TSBP1: variants seen among roughly 807,000 people sequenced by gnomAD.
The protein encoded by TSBP1 is testis expressed basic protein 1.
Under a neutral mutation model 68.8 loss-of-function variants are expected in TSBP1, and 56 were observed. The ratio of observed to expected loss-of-function variants is 0.81; its 90% CI spans 0.66 to 1.02. TSBP1 has a LOEUF of 1.02. Ranked by LOEUF, TSBP1 falls within the 50% of genes least tolerant of loss-of-function variation. The probability of loss-of-function intolerance (pLI) is 0.00; values close to 1 mark genes in which losing one functional copy is unlikely to be tolerated. For missense variants in TSBP1, 502 were observed against 641.2 expected (o/e 0.78, Z 2.34); for synonymous variants, 171 against 208.7 (o/e 0.82, Z 1.56).
intron 16 of TSBP1, chr6:32,324,683 A>G (rs1171902425): frequency 1.9e-6 from 3 of 1,550,842 alleles, no homozygotes; most frequent in African/African-American, 1.4e-5. Context: ...GATCTGACTG[A>G]AAAACAAGCA....
intron 8 of TSBP1, 152 bp from the exon 9 acceptor site, chr6:32,349,912 G>T: frequency 2.4e-6 from 2 of 843,900 alleles, no homozygotes; most frequent in South Asian, 1.3e-5. Flanking sequence ...GCAATGTGGT[G>T]AGCAGCTGGA....
chr6:32,311,314 C>G (rs1224456687), intron 19 of TSBP1, among the ~76,000 whole-genome samples: 1 of 152,178 alleles, frequency 6.6e-6, no homozygotes, highest in Non-Finnish European at 1.5e-5. Flanking sequence ...TCTTCAGACT[C>G]AAATATTTAA....
intron 22 of TSBP1, among the ~76,000 whole-genome samples, chr6:32,296,965 C>G (rs1049313993): frequency 6.6e-6 from 1 of 152,078 alleles, no homozygotes; most frequent in Non-Finnish European, 1.5e-5. Flanking sequence ...AATCTTCATA[C>G]CCTTATTTTA....
At chr6:32,300,043 G>C in intron 21 of TSBP1, 107 bp from the exon 25 acceptor site, 2 of 888,356 alleles carry the variant, frequency 2.3e-6, no homozygotes, top group East Asian at 2.4e-5. Context: ...GGACTTGGAG[G>C]GAGCACAAAA....
At chr6:32,358,684 G>A (rs1772627629) in intron 6 of TSBP1, among the ~76,000 whole-genome samples, 1 of 149,642 alleles carries the variant, frequency 6.7e-6, no homozygotes, top group South Asian at 2.2e-4. Flanking sequence ...TTGTCCTTGC[G>A]ATAGTTTGCC....
At chr6:32,303,314 GTT>G (rs9279565) in intron 19 of TSBP1, among the ~76,000 whole-genome samples, 1 of 146,622 alleles carries the variant, frequency 6.8e-6, no homozygotes. Context: ...TCTAGTACGT[GTT>G]TTTTTTTTTC....
chr6:32,349,506 C>T, intron 9 of TSBP1: 1 of 469,994 alleles, frequency 2.1e-6, no homozygotes, highest in South Asian at 3.9e-5. Flanking sequence ...TTTTCCAACA[C>T]TTCAGGTTTG....
chr6:32,299,401 T>C (rs1272932057), intron 22 of TSBP1, among the ~76,000 whole-genome samples: 1 of 152,148 alleles, frequency 6.6e-6, no homozygotes, highest in Non-Finnish European at 1.5e-5. Flanking sequence ...CTAGTTTTTT[T>C]CCCCCATTAA....
chr6:32,309,161 C>T (rs1352098464), intron 19 of TSBP1, among the ~76,000 whole-genome samples: 1 of 151,974 alleles, frequency 6.6e-6, no homozygotes, highest in Non-Finnish European at 1.5e-5. Flanking sequence ...TGGTGCCCAG[C>T]CTGGTCTCCA....
chr6:32,339,876 A>G (rs924204322), intron 9 of TSBP1, among the ~76,000 whole-genome samples: 21 of 152,198 alleles, frequency 1.4e-4, no homozygotes, highest in African/African-American at 3.4e-4. Flanking sequence ...TGTCTTACCT[A>G]TATTGTGAAG....
At position 32,294,092 on chromosome 6, in the gene TSBP1, A is replaced by AT. The variant is rs775529541; in HGVS notation, c.638-58dup. On this transcript the variant is annotated intron_variant, in intron 22 of 22. Coordinates refer to ENST00000612031, the Ensembl canonical transcript of TSBP1. ...TATCAAGTATTTTCTCTTTATTTCT[A>AT]TTTTTTTCCCCTTGATACTGGTTCC... The AT allele has an allele frequency of 1.1e-5, 17 of 1,586,536 alleles. No individual in the cohort carries two copies. The East Asian group carries it at 2.0e-4, about 19-fold the overall frequency.
chr6:32,323,644 G>C (rs768638536), intron 16 of TSBP1, 30 bp from the exon 18 acceptor site: 1 of 1,609,260 alleles, frequency 6.2e-7, no homozygotes, highest in Non-Finnish European at 8.5e-7. Context: ...CTTAGCAACT[G>C]TTTTTTCTCC....
chr6:32,313,669 T>G lies in TSBP1; in HGVS notation c.580+2103A>C, dbSNP rs139331886. The stretch of plus-strand genomic sequence containing the variant: ...TATCTTTCATGGATATTCTATGATA[T>G]AAATACCCTGGGTTGTGGATCCCTT... On this transcript the variant is annotated intron_variant, in intron 19 of 22. Transcript: ENST00000612031. Among the ~76,000 whole-genome samples the G allele has an allele frequency of 6.6e-3, 1,011 of 152,250 alleles. 17 individuals are homozygous for G. Among genetic ancestry groups the G allele is most frequent in the East Asian group, 0.02 (103 of 5,184 alleles).
At chr6:32,301,742 A>G (rs1343326559) in intron 20 of TSBP1, among the ~76,000 whole-genome samples, 2 of 151,678 alleles carry the variant, frequency 1.3e-5, no homozygotes, top group Non-Finnish European at 2.9e-5. Flanking sequence ...ATAATAAGAA[A>G]GCATGAAACT....
In TSBP1 at chr6:32,340,870, ACTGCAAC is replaced by A. The variant is rs1239982041; in HGVS notation, c.350-1239_350-1233del. On this transcript the variant is annotated intron_variant, in intron 9 of 22. Transcript: ENST00000612031. The surrounding 1 kb of genome is among the most constrained non-coding windows in gnomAD (Gnocchi z 4.8). ...GAGTGCAGTGGCACAGTCTCGGCTC[ACTGCAAC>A]CTTCACCTCCTGGGTTGAAGTCATT... Among the ~76,000 whole-genome samples the A allele has an allele frequency of 6.6e-6, 1 of 151,708 alleles. No individual in the cohort carries two copies. Among genetic ancestry groups the A allele is most frequent in the African/African-American group, 2.4e-5 (1 of 41,274 alleles).
chr6:32,313,891 T>C (rs765224227), intron 19 of TSBP1, among the ~76,000 whole-genome samples: 14 of 152,192 alleles, frequency 9.2e-5, no homozygotes, highest in Non-Finnish European at 1.5e-4. Context: ...ATATTTTGGC[T>C]TCTCCGCGTG....
chr6:32,355,517 A>G (rs1430912201), intron 7 of TSBP1, 132 bp downstream of exon 7: 1 of 1,172,228 alleles, frequency 8.5e-7, no homozygotes, highest in African/African-American at 1.6e-5. Context: ...GCACTAGAAA[A>G]CTTTATCTAT....
In TSBP1 at chr6:32,325,368, C is replaced by T. The variant is rs984947739; in HGVS notation, c.515-1754G>A. ...ACAGTGTGGTCATGAGAGATCCAAACCCAAGCACTCCAGGGGCTTTGGATT... is the reference window on the plus strand; with the variant it reads ...ACAGTGTGGTCATGAGAGATCCAAATCCAAGCACTCCAGGGGCTTTGGATT... On this transcript the variant is annotated intron_variant, in intron 16 of 22. Coordinates refer to ENST00000612031, the Ensembl canonical transcript of TSBP1. The surrounding 1 kb of genome is among the most constrained non-coding windows in gnomAD (Gnocchi z 4.4). 5.1e-6 allele frequency: 5 copies of T among 980,632 alleles called. No individual in the cohort carries two copies. The highest frequency in any genetic ancestry group is 1.6e-5 in the African/African-American group (1 of 61,764). 60.7% of individuals were successfully genotyped at this position (980,632 alleles called of 1,614,324 possible).
chr6:32,293,286 C>G, exon 23 of TSBP1: 1 of 1,611,958 alleles, frequency 6.2e-7, no homozygotes. Flanking sequence ...GGTACACTCA[C>G]CTCAGTGTTC....
Sources: allele counts gnomAD v4.1 joint callset (sites outside exome capture counted in the v4.1 genomes callset), GRCh38; gene constraint gnomAD v4.1.1; non-coding constraint Gnocchi (gnomAD v3.1); transcripts MANE v1.5; gene names NCBI Gene and HGNC (gene_info 2026-07-23, HGNC 2026-07-21).